The following FUT8 variants were observed in gnomAD, a reference collection of about 807,000 sequenced individuals.
The protein encoded by FUT8 is fucosyltransferase 8.
In FUT8, 29 loss-of-function variants were observed where a neutral mutation model predicts 71.3. The observed-to-expected ratio is 0.41, with a 90% CI of 0.30 to 0.55. The LOEUF is 0.55. Ranked by LOEUF, FUT8 falls within the 20% of genes least tolerant of loss-of-function variation. The probability of loss-of-function intolerance (pLI) is 0.34; values close to 1 mark genes in which losing one functional copy is unlikely to be tolerated. For synonymous variants in FUT8, 254 were observed against 239.3 expected, an observed-to-expected ratio of 1.06 and a Z score of -0.57; for missense variants, 544 against 702.1, an observed-to-expected ratio of 0.77 and a Z score of 2.55.
chr14:65,670,753 T>C (rs928152972), intron 7 of FUT8, among the ~76,000 whole-genome samples: 3 of 152,184 alleles, frequency 2.0e-5, no homozygotes, highest in African/African-American at 4.8e-5. Flanking sequence ...TCTGACTCTT[T>C]GCAGAAGTGT....
chr14:65,447,057 C>G (rs1410015790), intron 1 of FUT8, among the ~76,000 whole-genome samples: 1 of 152,034 alleles, frequency 6.6e-6, no homozygotes, highest in African/African-American at 2.4e-5. Context: ...TTTCTCTATG[C>G]TATCCTATAA....
chr14:65,732,508 C>T (rs559200444), intron 9 of FUT8, among the ~76,000 whole-genome samples: 1 of 152,222 alleles, frequency 6.6e-6, no homozygotes, highest in Middle Eastern at 3.4e-3. Context: ...ATATTTATTC[C>T]TCCTCTATTA....
intron 1 of FUT8, among the ~76,000 whole-genome samples, chr14:65,454,861 A>G (rs2065875051): frequency 6.6e-6 from 1 of 152,166 alleles, no homozygotes; most frequent in African/African-American, 2.4e-5. Context: ...GCCAAACATG[A>G]TACTGGATGA....
intron 2 of FUT8, among the ~76,000 whole-genome samples, chr14:65,469,971 G>C (rs1004229471): frequency 6.6e-6 from 1 of 152,214 alleles, no homozygotes; most frequent in African/African-American, 2.4e-5. Context: ...TGGCCTGAAG[G>C]TGGGGTCTAT....
chr14:65,493,277 G>A (rs927301494), intron 2 of FUT8, among the ~76,000 whole-genome samples: 2 of 152,106 alleles, frequency 1.3e-5, no homozygotes, highest in Non-Finnish European at 2.9e-5. Flanking sequence ...TTTTTATAGT[G>A]AGGAATCTTT....
the FUT8 span, among the ~76,000 whole-genome samples, chr14:65,359,244 G>C: frequency 6.6e-6 from 1 of 152,122 alleles, no homozygotes; most frequent in African/African-American, 2.4e-5. Context: ...TCCCTGGGCT[G>C]CCCCAAGGAC....
At chr14:65,697,891 CTTGA>C (rs1894075642) in intron 7 of FUT8, among the ~76,000 whole-genome samples, 1 of 151,994 alleles carries the variant, frequency 6.6e-6, no homozygotes, top group Non-Finnish European at 1.5e-5. Flanking sequence ...AGGAGAATCA[CTTGA>C]ACCCAGGAGG....
chr14:65,620,543 G>T (rs1212347086), intron 5 of FUT8, among the ~76,000 whole-genome samples: 1 of 152,164 alleles, frequency 6.6e-6, no homozygotes. Flanking sequence ...GATCATAGTT[G>T]TTGTTGCCCA....
intron 2 of FUT8, among the ~76,000 whole-genome samples, chr14:65,537,489 G>A (rs1388813988): frequency 3.3e-5 from 5 of 152,070 alleles, no homozygotes; most frequent in African/African-American, 7.2e-5. Context: ...CCAGGTTCAC[G>A]CCTTTCTCCT....
rs142667564 is a variant in FUT8 at position 65,441,236 on chromosome 14, G to A, written c.-325-14385G>A. ...TGATATATGGAGACCTACTGTAGAG[G>A]ATGTTTGTGGAGTTAGAAGAGATTA... On this transcript the variant is annotated intron_variant, in intron 1 of 10. Coordinates refer to ENST00000673929, the MANE Select transcript of FUT8 (RefSeq NM_001371533.1). Among the ~76,000 whole-genome samples the A allele has an allele frequency of 4.0e-4, 61 of 152,226 alleles. No homozygotes were observed. The East Asian group carries it at 7.1e-3, about 18-fold the overall frequency.
At chr14:65,527,392 C>T (rs564388669) in intron 2 of FUT8, among the ~76,000 whole-genome samples, 8 of 152,294 alleles carry the variant, frequency 5.3e-5, no homozygotes, top group South Asian at 2.1e-4. Context: ...ATGTAGTTCT[C>T]ATGCCATGGT....
intron 7 of FUT8, among the ~76,000 whole-genome samples, chr14:65,692,723 G>T (rs1321485509): frequency 6.7e-6 from 1 of 149,448 alleles, no homozygotes; most frequent in Non-Finnish European, 1.5e-5. Flanking sequence ...GGCGGCTGCC[G>T]GGCGGAGGGG....
chr14:65,554,757 T>C (rs1885498079), intron 2 of FUT8, among the ~76,000 whole-genome samples: 1 of 152,092 alleles, frequency 6.6e-6, no homozygotes, highest in African/African-American at 2.4e-5. Flanking sequence ...GCTGGAGTCT[T>C]TCCTCTGTGT....
At chr14:65,444,330 C>A (rs947232236) in intron 1 of FUT8, among the ~76,000 whole-genome samples, 11 of 152,174 alleles carry the variant, frequency 7.2e-5, no homozygotes, top group Non-Finnish European at 1.2e-4. Context: ...TACAGAGCAA[C>A]TAGAACTCTC....
At chr14:65,474,961 T>G (rs923366584) in intron 2 of FUT8, among the ~76,000 whole-genome samples, 1 of 152,206 alleles carries the variant, frequency 6.6e-6, no homozygotes, top group Non-Finnish European at 1.5e-5. Context: ...AGTGTTGGGA[T>G]TATAGGTGTG....
intron 6 of FUT8, among the ~76,000 whole-genome samples, chr14:65,666,184 T>C (rs1447645161): frequency 6.6e-6 from 1 of 152,218 alleles, no homozygotes; most frequent in Non-Finnish European, 1.5e-5. Flanking sequence ...TCAAGTAAGC[T>C]TCTTTTCACT....
intron 2 of FUT8, among the ~76,000 whole-genome samples, chr14:65,539,519 T>C (rs1884550004): frequency 1.3e-5 from 2 of 152,260 alleles, no homozygotes; most frequent in Admixed American, 1.3e-4. Flanking sequence ...CTGGCTCTAC[T>C]ACTTAAAAGT....
At chr14:65,532,864 A>G (rs1184971686) in intron 2 of FUT8, among the ~76,000 whole-genome samples, 3 of 152,192 alleles carry the variant, frequency 2.0e-5, no homozygotes, top group East Asian at 1.9e-4. Context: ...CTAGCCGGTT[A>G]TCCCAGCATC....
intron 1 of FUT8, among the ~76,000 whole-genome samples, chr14:65,424,510 C>T (rs1006717310): frequency 1.3e-5 from 2 of 150,434 alleles, no homozygotes; most frequent in Non-Finnish European, 3.0e-5. Flanking sequence ...TCATGACATA[C>T]CTCTTACTTT....
Sources: gnomAD v4.1 joint callset for allele counts (sites outside exome capture counted in the v4.1 genomes callset) on GRCh38, gnomAD v4.1.1 for gene constraint, MANE v1.5 for transcripts, NCBI Gene and HGNC (gene_info 2026-07-23, HGNC 2026-07-21) for gene names.